Variants in NECAB2 observed in about 807,000 individuals in gnomAD.
NECAB2 encodes the protein N-terminal EF-hand calcium-binding protein 2.
NECAB2 carries 68 observed loss-of-function variants against 51.9 expected under a neutral mutation model. The observed-to-expected ratio is 1.31, with a 90% CI of 1.08 to 1.60. The LOEUF (loss-of-function observed/expected upper bound fraction) is 1.60, where lower values mean the gene tolerates loss of function less well. Among genes scored for constraint, NECAB2 ranks in the 40% most tolerant of loss-of-function variants. The pLI is 0.00. For missense variants in NECAB2, 854 were observed against 490.3 expected, an observed-to-expected ratio of 1.74 and a Z score of -7.00; for synonymous variants, 329 against 203.5, an observed-to-expected ratio of 1.62 and a Z score of -5.25.
At chr16:83,973,219 C>G (rs992069063) in intron 2 of NECAB2, among the ~76,000 whole-genome samples, 5 of 152,248 alleles carry the variant, frequency 3.3e-5, no homozygotes, top group African/African-American at 1.2e-4. Context: ...CGCCTCTGGC[C>G]CCGGTTCCTC....
In NECAB2 at chr16:83,994,609, C is replaced by A. The variant is rs765680439; in HGVS notation, c.716C>A (p.Ala239Asp). The A allele has an allele frequency of 6.2e-6, 10 of 1,614,002 alleles. No homozygotes were observed. The highest frequency in any genetic ancestry group is 6.8e-6 in the Non-Finnish European group (8 of 1,180,048). The change falls in exon 8 of 13, where the codon GCC (alanine) becomes GAC (aspartate). Residue 239 changes from alanine to aspartate, a missense_variant and splice_region_variant. Coordinates refer to ENST00000305202, the MANE Select transcript of NECAB2 (RefSeq NM_019065.3). ...CTGTGTGTCTCTTTCTCTACCGCAG[C>A]CACGGAGGATGCAAAGGAAGAGGGT... Reference protein sequence around the residue: ...AMEQGKTLPSATEDAKEEGLE... With the variant: ...AMEQGKTLPSDTEDAKEEGLE...
chr16:84,000,021 G>T (rs560779502), intron 10 of NECAB2, among the ~76,000 whole-genome samples: 6 of 151,628 alleles, frequency 4.0e-5, no homozygotes, highest in Non-Finnish European at 8.8e-5. Flanking sequence ...TGCATCGCTG[G>T]GATTACAGGG....
At chr16:83,989,333 G>A (rs1597213533) in intron 5 of NECAB2, among the ~76,000 whole-genome samples, 1 of 152,176 alleles carries the variant, frequency 6.6e-6, no homozygotes, top group South Asian at 2.1e-4. Context: ...TCGGCTTGGT[G>A]GCTTGGGTCG....
At chr16:83,974,411 G>C (rs541734527) in intron 2 of NECAB2, among the ~76,000 whole-genome samples, 1 of 152,170 alleles carries the variant, frequency 6.6e-6, no homozygotes, top group Non-Finnish European at 1.5e-5. Context: ...ATAAGTCCCC[G>C]CTGCTCTGCC....
At chr16:84,000,399 A>C (rs1318409365) in intron 10 of NECAB2, among the ~76,000 whole-genome samples, 1 of 151,792 alleles carries the variant, frequency 6.6e-6, no homozygotes, top group South Asian at 2.1e-4. Flanking sequence ...CGAGTGGTGC[A>C]CTCCTCTAGT....
At chr16:83,979,209 C>T (rs1484293913) in intron 3 of NECAB2, among the ~76,000 whole-genome samples, 3 of 152,208 alleles carry the variant, frequency 2.0e-5, no homozygotes, top group Non-Finnish European at 2.9e-5. Flanking sequence ...GGTCTGAGCC[C>T]TCTCCTCAAC....
chr16:83,975,535 A>T (rs2084399268), intron 2 of NECAB2, among the ~76,000 whole-genome samples: 1 of 152,084 alleles, frequency 6.6e-6, no homozygotes, highest in Non-Finnish European at 1.5e-5. Flanking sequence ...TGCCCTTAGG[A>T]CTTAGAGATT....
chr16:83,981,872 C>T (rs928986111), intron 5 of NECAB2, among the ~76,000 whole-genome samples: 1 of 152,154 alleles, frequency 6.6e-6, no homozygotes, highest in African/African-American at 2.4e-5. Context: ...GAGGCAGCAG[C>T]CACCAGCACC....
At chr16:84,001,049 C>T (rs753616617) in intron 11 of NECAB2, among the ~76,000 whole-genome samples, 8 of 152,144 alleles carry the variant, frequency 5.3e-5, no homozygotes, top group African/African-American at 1.7e-4. Context: ...TTCTGTGCCC[C>T]TAGAGCACCT....
chr16:83,983,958 T>G (rs2084519425), intron 5 of NECAB2, among the ~76,000 whole-genome samples: 2 of 151,948 alleles, frequency 1.3e-5, no homozygotes, highest in Non-Finnish European at 2.9e-5. Flanking sequence ...GTCAACTTTT[T>G]CACTTGTCCA....
chr16:83,989,958 A>T (rs1245064247), intron 5 of NECAB2, among the ~76,000 whole-genome samples: 1 of 151,806 alleles, frequency 6.6e-6, no homozygotes, highest in Non-Finnish European at 1.5e-5. Flanking sequence ...CCGTTTTGTC[A>T]TTTTCCTTAG....
chr16:83,999,596 C>A (rs534129149), intron 10 of NECAB2, among the ~76,000 whole-genome samples: 1 of 152,136 alleles, frequency 6.6e-6, no homozygotes, highest in Non-Finnish European at 1.5e-5. Context: ...TTTTGGCCCC[C>A]GCTTTATGGT....
Position 83,974,966 on chromosome 16 carries a change from A to G in NECAB2, c.226+2791A>G, listed in dbSNP as rs113014511. Among the ~76,000 whole-genome samples the G allele has an allele frequency of 1.5e-3, 154 of 102,056 alleles. 2 individuals carry two copies. The highest frequency in any genetic ancestry group is 7.6e-3 in the African/African-American group (129 of 16,990). 67.0% of individuals were successfully genotyped at this position (102,056 alleles called of 152,430 possible). The stretch of plus-strand genomic sequence containing the variant: ...GGGAGGTGTGGGTGCAGGGATGGGA[A>G]CAGGTGTGCAGGGAGGTGTGGGTGC... On this transcript the variant is annotated intron_variant, in intron 2 of 12. Coordinates refer to ENST00000305202, the MANE Select transcript of NECAB2 (RefSeq NM_019065.3).
intron 6 of NECAB2, among the ~76,000 whole-genome samples, chr16:83,993,960 C>A (rs896208040): frequency 6.6e-6 from 1 of 152,018 alleles, no homozygotes; most frequent in East Asian, 1.9e-4. Context: ...ACAGCTTGGG[C>A]TCTACACGTG....
At chr16:83,999,069 G>A (rs568252499) in intron 10 of NECAB2, among the ~76,000 whole-genome samples, 4 of 152,312 alleles carry the variant, frequency 2.6e-5, no homozygotes, top group African/African-American at 9.6e-5. Flanking sequence ...CATTGCCTGG[G>A]GACATGGCTG....
At chr16:83,995,047 G>T (rs956918550) in intron 8 of NECAB2, among the ~76,000 whole-genome samples, 1 of 152,184 alleles carries the variant, frequency 6.6e-6, no homozygotes, top group African/African-American at 2.4e-5. Context: ...GATATTGGCC[G>T]AAAGGCAGCA....
Position 84,002,362 on chromosome 16 carries a change from C to T in NECAB2, c.*16C>T, listed in dbSNP as rs200490585. On this transcript the variant is annotated 3_prime_UTR_variant, in exon 13 of 13. Transcript: ENST00000305202. ...ACGGGACTGACAGCCTCCCAGAGGC[C>T]CGTGGAGGAGCCCACCAGCCCCTTC... 6.1e-5 allele frequency: 98 copies of T among 1,613,460 alleles called. 1 individual carries two copies. The highest frequency in any genetic ancestry group is 4.0e-4 in the East Asian group (18 of 44,860).
chr16:83,980,805 CTCTG>C (rs1218043634), intron 3 of NECAB2, 30 bp from the exon 4 acceptor site: 5 of 1,559,416 alleles, frequency 3.2e-6, no homozygotes, highest in South Asian at 2.3e-5. Context: ...CCCTCTCTGT[CTCTG>C]TCTGTCTCTG....
At chr16:83,989,846 C>G (rs549946592) in intron 5 of NECAB2, among the ~76,000 whole-genome samples, 2 of 152,172 alleles carry the variant, frequency 1.3e-5, no homozygotes, top group Non-Finnish European at 2.9e-5. Context: ...CCCCAGAGTT[C>G]CGCTAAGACT....
Sources: allele counts gnomAD v4.1 joint callset (sites outside exome capture counted in the v4.1 genomes callset), GRCh38; gene constraint gnomAD v4.1.1; transcripts MANE v1.5; gene names NCBI Gene and HGNC (gene_info 2026-07-23, HGNC 2026-07-21).